Variants in C12orf54 observed in about 807,000 individuals in gnomAD.
C12orf54 encodes the protein uncharacterized protein C12orf54.
C12orf54 carries 24 observed loss-of-function variants against 26.4 expected under a neutral mutation model. The observed-to-expected ratio is 0.91, with a 90% CI of 0.66 to 1.28. C12orf54 has a LOEUF of 1.28. C12orf54 is among the 50% of genes most tolerant of loss of function. The probability of loss-of-function intolerance (pLI) is 0.00; values close to 1 mark genes in which losing one functional copy is unlikely to be tolerated. For missense variants in C12orf54, 154 were observed against 150.9 expected, an observed-to-expected ratio of 1.02 and a Z score of -0.11; for synonymous variants, 54 against 47.0, an observed-to-expected ratio of 1.15 and a Z score of -0.61.
the C12orf54 span, among the ~76,000 whole-genome samples, chr12:48,444,889 A>C: frequency 6.6e-6 from 1 of 152,166 alleles, no homozygotes; most frequent in Non-Finnish European, 1.5e-5. Flanking sequence ...ATACAAATGA[A>C]TGGCCGGGCG....
At chr12:48,427,647 C>T in the C12orf54 span, among the ~76,000 whole-genome samples, 1 of 151,980 alleles carries the variant, frequency 6.6e-6, no homozygotes, top group Non-Finnish European at 1.5e-5. Context: ...ATATATGCAC[C>T]TAACACGGGA....
chr12:48,415,462 G>T, the C12orf54 span, among the ~76,000 whole-genome samples: 140 of 152,258 alleles, frequency 9.2e-4, 1 homozygote, highest in African/African-American at 3.0e-3. Flanking sequence ...TAGCTTTTCT[G>T]TTCTTTTCTT....
chr12:48,440,097 C>T, the C12orf54 span, among the ~76,000 whole-genome samples: 8 of 151,682 alleles, frequency 5.3e-5, no homozygotes, highest in East Asian at 9.7e-4. Flanking sequence ...TGGTGACAGG[C>T]GCCTGTAATC....
chr12:48,485,716 C>G (rs1239161611), intron 2 of C12orf54, among the ~76,000 whole-genome samples: 1 of 152,202 alleles, frequency 6.6e-6, no homozygotes, highest in Admixed American at 6.5e-5. Context: ...ACTTCTTCAG[C>G]CTTCCATCCC....
chr12:48,488,153 C>A, intron 4 of C12orf54: 2 of 763,150 alleles, frequency 2.6e-6, no homozygotes, highest in South Asian at 1.4e-5. Context: ...TCTACTGGAA[C>A]CTTATGAATG....
At chr12:48,419,831 GAAC>G in the C12orf54 span, among the ~76,000 whole-genome samples, 2 of 152,098 alleles carry the variant, frequency 1.3e-5, no homozygotes, top group East Asian at 1.9e-4. Flanking sequence ...AGGAGGAAAA[GAAC>G]AACAACTATC....
the C12orf54 span, among the ~76,000 whole-genome samples, chr12:48,432,322 G>A: frequency 6.6e-6 from 1 of 152,104 alleles, no homozygotes; most frequent in Non-Finnish European, 1.5e-5. Context: ...AATAGAAGCA[G>A]AAAAAGCTTG....
At chr12:48,437,064 G>A in the C12orf54 span, among the ~76,000 whole-genome samples, 1 of 151,846 alleles carries the variant, frequency 6.6e-6, no homozygotes, top group Non-Finnish European at 1.5e-5. Context: ...AATGACAAAG[G>A]GGATATCACC....
chr12:48,468,418 C>T, the C12orf54 span, among the ~76,000 whole-genome samples: 1 of 152,004 alleles, frequency 6.6e-6, no homozygotes, highest in Admixed American at 6.6e-5. Flanking sequence ...TGTGCTTTGT[C>T]CTAAGCATGA....
At chr12:48,472,755 G>T in the C12orf54 span, 2 of 1,614,164 alleles carry the variant, frequency 1.2e-6, no homozygotes, top group Non-Finnish European at 8.5e-7. Flanking sequence ...TCAGTCAAAT[G>T]AAGGCAAATT....
the C12orf54 span, among the ~76,000 whole-genome samples, chr12:48,439,304 T>G: frequency 1.3e-5 from 2 of 152,234 alleles, no homozygotes; most frequent in Admixed American, 1.3e-4. Context: ...TTGGTGGGAC[T>G]GTAAAATAGT....
At chr12:48,421,733 T>A in the C12orf54 span, among the ~76,000 whole-genome samples, 1 of 152,064 alleles carries the variant, frequency 6.6e-6, no homozygotes, top group East Asian at 1.9e-4. Context: ...TTTCACCATG[T>A]TGGCCAGGTT....
chr12:48,448,804 T>C, the C12orf54 span, among the ~76,000 whole-genome samples: 1 of 152,232 alleles, frequency 6.6e-6, no homozygotes, highest in Non-Finnish European at 1.5e-5. Flanking sequence ...AGATTTATTC[T>C]GAACCAAATA....
chr12:48,422,722 T>C, the C12orf54 span, among the ~76,000 whole-genome samples: 1 of 152,202 alleles, frequency 6.6e-6, no homozygotes, highest in Non-Finnish European at 1.5e-5. Flanking sequence ...ACAATGTTTA[T>C]GGTTGGAAAG....
At chr12:48,490,717 C>T (rs1937771324) in intron 5 of C12orf54, 95 bp from the exon 6 acceptor site, 1 of 1,401,864 alleles carries the variant, frequency 7.1e-7, no homozygotes, top group South Asian at 1.2e-5. Flanking sequence ...CCCAAACAGA[C>T]ATCCCTGCAT....
chr12:48,435,637 C>T, the C12orf54 span, among the ~76,000 whole-genome samples: 7,757 of 152,254 alleles, frequency 0.051, 273 homozygotes, highest in Non-Finnish European at 0.078. Flanking sequence ...ATTTTCAACC[C>T]AGAATTTCAT....
At chr12:48,445,784 ATC>A in the C12orf54 span, among the ~76,000 whole-genome samples, 1 of 152,234 alleles carries the variant, frequency 6.6e-6, no homozygotes, top group Non-Finnish European at 1.5e-5. Context: ...GGGCTGAAGA[ATC>A]ATCAAATTCT....
At chr12:48,420,973 T>C in the C12orf54 span, among the ~76,000 whole-genome samples, 1 of 152,194 alleles carries the variant, frequency 6.6e-6, no homozygotes, top group Non-Finnish European at 1.5e-5. Flanking sequence ...CTCATCATCA[T>C]TGTTCATTTA....
chr12:48,473,052 A>T, the C12orf54 span: 1 of 1,614,090 alleles, frequency 6.2e-7, no homozygotes, highest in Non-Finnish European at 8.5e-7. Context: ...CAACCTGAAC[A>T]ACTACTGAGA....
Sources: allele counts gnomAD v4.1 joint callset (sites outside exome capture counted in the v4.1 genomes callset), GRCh38; gene constraint gnomAD v4.1.1; transcripts MANE v1.5; gene names NCBI Gene and HGNC (gene_info 2026-07-23, HGNC 2026-07-21).